The following CC2D2A variants were observed in gnomAD, a reference collection of about 807,000 sequenced individuals.
The protein encoded by CC2D2A is coiled-coil and C2 domain-containing protein 2A.
Under a neutral mutation model 212.9 loss-of-function variants are expected in CC2D2A, and 155 were observed. That is an observed-to-expected ratio of 0.73 (90% CI 0.64 to 0.83). CC2D2A has a LOEUF of 0.83. CC2D2A is among the 40% of genes least tolerant of loss of function. CC2D2A has a pLI of 0.00. For missense variants in CC2D2A, 1,856 were observed against 1,956.2 expected, an observed-to-expected ratio of 0.95 and a Z score of 0.97; for synonymous variants, 667 against 686.5, an observed-to-expected ratio of 0.97 and a Z score of 0.44.
At chr4:15,524,121 A>G (rs1717360732) in intron 11 of CC2D2A, among the ~76,000 whole-genome samples, 1 of 152,028 alleles carries the variant, frequency 6.6e-6, no homozygotes, top group Non-Finnish European at 1.5e-5. Context: ...AATGATTATT[A>G]ATTTTCTGTA....
chr4:15,563,345 T>C lies in CC2D2A; in HGVS notation c.3015-10T>C. 6.3e-7 allele frequency: 1 copy of C among 1,592,652 alleles called. No individual in the cohort carries two copies. The highest frequency in any genetic ancestry group is 8.6e-7 in the Non-Finnish European group (1 of 1,168,998). On this transcript the variant is annotated splice_polypyrimidine_tract_variant and intron_variant, in intron 23 of 36. Coordinates refer to ENST00000424120, the MANE Select transcript of CC2D2A (RefSeq NM_001378615.1). ...TTCTTAGAGTCCTGATCCTGTTCTGTAATCATTAGCATTTTGGGCCTAAGC... is the reference window on the plus strand; with the variant it reads ...TTCTTAGAGTCCTGATCCTGTTCTGCAATCATTAGCATTTTGGGCCTAAGC...
intron 28 of CC2D2A, among the ~76,000 whole-genome samples, chr4:15,570,940 C>T (rs1195104739): frequency 6.6e-6 from 1 of 152,082 alleles, no homozygotes; most frequent in Non-Finnish European, 1.5e-5. Flanking sequence ...GCGATACATC[C>T]TTAACACTGG....
At position 15,580,101 on chromosome 4, in the gene CC2D2A, G is replaced by T. The variant is rs988477564; in HGVS notation, c.3905G>T (p.Arg1302Leu). ...AGCGGAAAAACTGTTTTTATCACAC[G>T]TTATCTCAAACCTTTAAACCCTCCT... ...DISGKTVFIT[R>L]YLKPLNPPQE... is the part of the protein sequence containing the mutation. The change falls in exon 30 of 37, where the codon CGT becomes CTT. Residue 1302 changes from arginine to leucine, a missense_variant. Physicochemically the swap from Arg to Leu is moderately radical, Grantham distance 102. Around this residue, in one of 5 missense-constraint regions of CC2D2A, gnomAD observed 1,512 missense variants for 1,579.3 expected, o/e 0.96. Coordinates refer to ENST00000424120, the MANE Select transcript of CC2D2A (RefSeq NM_001378615.1). 6 of 1,613,876 alleles carry T rather than the reference G, an allele frequency of 3.7e-6. No individual in the cohort carries two copies. The highest frequency in any genetic ancestry group is 5.1e-6 in the Non-Finnish European group (6 of 1,179,848).
intron 4 of CC2D2A, among the ~76,000 whole-genome samples, chr4:15,501,296 G>T (rs556879420): frequency 2.0e-5 from 3 of 152,142 alleles, no homozygotes; most frequent in African/African-American, 7.2e-5. Flanking sequence ...TGTGTGGCCT[G>T]TCTTACTTAC....
chr4:15,547,837 C>T (rs918055702), intron 17 of CC2D2A, among the ~76,000 whole-genome samples: 1 of 151,914 alleles, frequency 6.6e-6, no homozygotes, highest in African/African-American at 2.4e-5. Flanking sequence ...GTTGGCAGTT[C>T]GAGACCAGTC....
intron 11 of CC2D2A, among the ~76,000 whole-genome samples, chr4:15,517,246 C>T (rs1160833777): frequency 6.6e-6 from 1 of 151,302 alleles, no homozygotes; most frequent in African/African-American, 2.4e-5. Flanking sequence ...CGCGCCCAGC[C>T]CAATGCATCC....
In CC2D2A at chr4:15,596,189, T is replaced by C. The variant is rs1443162563; in HGVS notation, c.4419T>C (p.Pro1473=). ...TCTTTTCAAGAAGCCTTCCATATCC[T>C]GGCCTTTCCAGTGTTCAGGTATAAA... ...KSFFSRSLPY[P]GLSSVQPEEL... Residue 1473 remains proline, a synonymous_variant, in exon 34 of 37, where the codon CCT becomes CCC. Transcript: ENST00000424120. 6.5e-7 allele frequency: 1 copy of C among 1,543,432 alleles called. No homozygotes were observed. Among genetic ancestry groups the C allele is most frequent in the South Asian group, 1.2e-5 (1 of 82,124 alleles).
intron 11 of CC2D2A, among the ~76,000 whole-genome samples, chr4:15,517,064 C>T (rs1716922221): frequency 6.6e-6 from 1 of 150,890 alleles, no homozygotes; most frequent in Non-Finnish European, 1.5e-5. Flanking sequence ...TCTCCTGCCT[C>T]AGCCTTTTGA....
chr4:15,483,049 C>G (rs547290080), intron 4 of CC2D2A, among the ~76,000 whole-genome samples: 1 of 152,226 alleles, frequency 6.6e-6, no homozygotes, highest in South Asian at 2.1e-4. Flanking sequence ...TAAACCAAGA[C>G]GAAGAGAAAA....
intron 19 of CC2D2A, 90 bp downstream of exon 19, chr4:15,553,395 T>A: frequency 7.3e-7 from 1 of 1,377,568 alleles, no homozygotes; most frequent in South Asian, 1.4e-5. Flanking sequence ...TATCATATTC[T>A]TTCCTTTTAT....
At chr4:15,574,055 G>A in intron 28 of CC2D2A, 95 bp from the exon 29 acceptor site, 1 of 1,102,896 alleles carries the variant, frequency 9.1e-7, no homozygotes, top group East Asian at 2.6e-5. Flanking sequence ...AGCAATTTTG[G>A]TTCAATTTAT....
rs758324715 is a variant in CC2D2A, at chr4:15,480,746, C to T, written c.166C>T (p.His56Tyr). 50 of 1,612,426 alleles carry T rather than the reference C, an allele frequency of 3.1e-5. No homozygotes were observed. The highest frequency in any genetic ancestry group is 3.4e-5 in the Non-Finnish European group (40 of 1,179,404). Residue 56 changes from histidine to tyrosine, a missense_variant, in exon 4 of 37, where the codon CAC (histidine) becomes TAC (tyrosine). By Grantham distance (83) the His-to-Tyr change is moderately conservative. Coordinates refer to ENST00000424120, the MANE Select transcript of CC2D2A (RefSeq NM_001378615.1). ...VPKEMVSEKS[H>Y]LGNPQEPVQE... ...CAAGGAAATGGTGTCCGAAAAATCC[C>T]ACCTTGGCAACCCCCAGGAGCCTGT...
chr4:15,601,010 C>G (rs985064795), intron 36 of CC2D2A, among the ~76,000 whole-genome samples: 1 of 151,504 alleles, frequency 6.6e-6, no homozygotes, highest in Non-Finnish European at 1.5e-5. Context: ...AAAGAGGGAA[C>G]AGTGATGGAG....
At chr4:15,478,849 C>G (rs1277783430) in intron 3 of CC2D2A, 43 bp downstream of exon 3, 3 of 1,435,800 alleles carry the variant, frequency 2.1e-6, no homozygotes, top group Non-Finnish European at 2.9e-6. Flanking sequence ...TGTCATTGAT[C>G]AACAACCCGC....
In CC2D2A at chr4:15,559,193, A is replaced by C. The variant is rs1325652946; in HGVS notation, c.2858A>C (p.Asn953Thr). 2 of 1,552,530 alleles carry C rather than the reference A, an allele frequency of 1.3e-6. No individual in the cohort carries two copies. The highest frequency in any genetic ancestry group is 2.4e-5 in the East Asian group (1 of 41,166). Residue 953 changes from asparagine to threonine, a missense_variant, in exon 22 of 37, where the codon AAT (asparagine) becomes ACT (threonine). By Grantham distance (65) the Asn-to-Thr change is moderately conservative (BLOSUM62 0). Around this residue, in one of 5 missense-constraint regions of CC2D2A, gnomAD observed 1,512 missense variants for 1,579.3 expected, o/e 0.96. Coordinates refer to ENST00000424120, the MANE Select transcript of CC2D2A (RefSeq NM_001378615.1). Reference sequence around the variant, plus strand: ...TATGAGAAACGGTTACGAGACAGAAATGTAATAGAAACCAAGGAACACATA... The same window carrying C: ...TATGAGAAACGGTTACGAGACAGAACTGTAATAGAAACCAAGGAACACATA... ...QDYEKRLRDR[N>T]VIETKEHIDT...
chr4:15,592,287 A>C (rs1464312526), intron 33 of CC2D2A, among the ~76,000 whole-genome samples: 1 of 152,152 alleles, frequency 6.6e-6, no homozygotes, highest in African/African-American at 2.4e-5. Context: ...TATACACCTA[A>C]AACTACATTG....
chr4:15,568,813 C>T (rs988973589), intron 26 of CC2D2A, among the ~76,000 whole-genome samples: 1 of 152,170 alleles, frequency 6.6e-6, no homozygotes, highest in Non-Finnish European at 1.5e-5. Context: ...TATTGCTTTA[C>T]TTATATACAG....
rs6449149 is a variant in CC2D2A at position 15,580,362 on chromosome 4, A to G, written c.3975+191A>G. ...CCTTTAGAAAAGTCTGAAGGCAGCCAGGCAGTGGCTCATGCCTGTAATCCC... is the reference window on the plus strand; with the variant it reads ...CCTTTAGAAAAGTCTGAAGGCAGCCGGGCAGTGGCTCATGCCTGTAATCCC... On this transcript the variant is annotated intron_variant, in intron 30 of 36. Transcript: ENST00000424120. Among the ~76,000 whole-genome samples, 105,038 of 152,126 alleles carry G rather than the reference A, an allele frequency of 0.69. 36,466 individuals carry two copies. Among genetic ancestry groups the G allele is most frequent in the Admixed American group, 0.76 (11,604 of 15,284 alleles).
chr4:15,583,417 T>G (rs1490622260), intron 30 of CC2D2A, among the ~76,000 whole-genome samples: 2 of 152,186 alleles, frequency 1.3e-5, no homozygotes, highest in African/African-American at 4.8e-5. Flanking sequence ...GCAGGTGACA[T>G]GATCATAAAT....
Sources: allele counts gnomAD v4.1 joint callset (sites outside exome capture counted in the v4.1 genomes callset), GRCh38; gene constraint gnomAD v4.1.1; regional missense constraint gnomAD v4.1.1; transcripts MANE v1.5; gene names NCBI Gene and HGNC (gene_info 2026-07-23, HGNC 2026-07-21).